SORCS2: variants seen among roughly 807,000 people sequenced by gnomAD.
SORCS2 encodes VPS10 domain-containing receptor SorCS2.
Under a neutral mutation model 141.6 loss-of-function variants are expected in SORCS2, and 100 were observed. The ratio of observed to expected loss-of-function variants is 0.71; its 90% CI spans 0.60 to 0.83. The LOEUF is 0.83. Ranked by LOEUF, SORCS2 falls within the 40% of genes least tolerant of loss-of-function variation. The pLI is 0.00. For synonymous variants in SORCS2, 789 were observed against 676.9 expected, an observed-to-expected ratio of 1.17 and a Z score of -2.57; for missense variants, 1,646 against 1,560.2, an observed-to-expected ratio of 1.05 and a Z score of -0.93.
rs548805104 is a variant in SORCS2 at position 7,304,562 on chromosome 4, A to G, written c.481-91726A>G. 3.3e-5 allele frequency among the ~76,000 whole-genome samples: 5 copies of G among 152,356 alleles called. No individual in the cohort carries two copies. In the South Asian group the frequency reaches 1.0e-3, roughly 32 times the overall value. On this transcript the variant is annotated intron_variant, in intron 1 of 26. Transcript: ENST00000507866. Reference sequence around the variant, plus strand: ...GATATCCTCTGGGCCTGTGAGAGCCAGGTAGCGTTCATGAGCCTCATCAGT... The same window carrying G: ...GATATCCTCTGGGCCTGTGAGAGCCGGGTAGCGTTCATGAGCCTCATCAGT...
intron 3 of SORCS2, among the ~76,000 whole-genome samples, chr4:7,534,336 C>CG (rs955357217): frequency 1.3e-5 from 2 of 152,272 alleles, no homozygotes; most frequent in African/African-American, 2.4e-5. Flanking sequence ...AGGTCCCCCC[C>CG]CATCAGGGAG....
At chr4:7,515,023 G>C (rs1473187370) in intron 2 of SORCS2, among the ~76,000 whole-genome samples, 6 of 152,318 alleles carry the variant, frequency 3.9e-5, no homozygotes, top group Middle Eastern at 3.4e-3. Context: ...CCAGACTTGT[G>C]GCGTTAGTTA....
At chr4:7,564,128 C>G (rs747839588) in intron 3 of SORCS2, among the ~76,000 whole-genome samples, 2 of 152,244 alleles carry the variant, frequency 1.3e-5, no homozygotes, top group Non-Finnish European at 2.9e-5. Context: ...CCCGGCTTCA[C>G]TGAGAGAGGT....
At chr4:7,733,298 TCA>T in intron 23 of SORCS2, 22 bp from the exon 24 acceptor site, 2 of 1,515,056 alleles carry the variant, frequency 1.3e-6, no homozygotes, top group Non-Finnish European at 1.8e-6. Flanking sequence ...GAGGCCTCAC[TCA>T]CTGTCCCCTC....
intron 1 of SORCS2, among the ~76,000 whole-genome samples, chr4:7,279,105 C>T (rs1360398133): frequency 6.6e-6 from 1 of 152,182 alleles, no homozygotes; most frequent in Non-Finnish European, 1.5e-5. Context: ...CAGCTGTGAT[C>T]CTAGCTGTCT....
chr4:7,457,306 C>T (rs1269412963), intron 2 of SORCS2, among the ~76,000 whole-genome samples: 1 of 152,242 alleles, frequency 6.6e-6, no homozygotes, highest in African/African-American at 2.4e-5. Flanking sequence ...AAAGGACATG[C>T]AGCCAGGCCT....
At chr4:7,464,493 C>T (rs1729493360) in intron 2 of SORCS2, among the ~76,000 whole-genome samples, 1 of 152,290 alleles carries the variant, frequency 6.6e-6, no homozygotes, top group East Asian at 1.9e-4. Context: ...GCCACACTAA[C>T]TAGCTTGGAC....
At chr4:7,615,243 A>G (rs1418594549) in intron 3 of SORCS2, among the ~76,000 whole-genome samples, 1 of 152,262 alleles carries the variant, frequency 6.6e-6, no homozygotes, top group African/African-American at 2.4e-5. Flanking sequence ...TTCTGGAGAT[A>G]TAACAGTGAG....
At chr4:7,675,142 T>G (rs1272235279) in intron 8 of SORCS2, among the ~76,000 whole-genome samples, 1 of 152,234 alleles carries the variant, frequency 6.6e-6, no homozygotes, top group African/African-American at 2.4e-5. Context: ...AACAAGAAAC[T>G]GAGGTATTCC....
In SORCS2 at chr4:7,741,355, C is replaced by T. The variant is rs1355563554; in HGVS notation, c.*1091C>T. On this transcript the variant is annotated 3_prime_UTR_variant, in exon 27 of 27. Transcript: ENST00000507866. The stretch of plus-strand genomic sequence containing the variant: ...CACGGTCACAGCAGAGGTGGCCGAA[C>T]CCAGCCCTCTGCGCGCCAGTGCTGT... 11 of 398,172 alleles carry T rather than the reference C, an allele frequency of 2.8e-5. No individual in the cohort carries two copies. The highest frequency in any genetic ancestry group is 4.9e-5 in the Non-Finnish European group (11 of 225,864). The allele number at this position is 398,172 out of a possible 1,614,324, so 24.7% of individuals were successfully genotyped here.
intron 8 of SORCS2, among the ~76,000 whole-genome samples, chr4:7,668,622 C>T (rs560106150): frequency 6.6e-6 from 1 of 152,280 alleles, no homozygotes; most frequent in Non-Finnish European, 1.5e-5. Flanking sequence ...CTTTTAAAAC[C>T]TTCGCTTTAA....
chr4:7,290,790 G>GCGTTCTTT (rs1553828727), intron 1 of SORCS2, among the ~76,000 whole-genome samples: 2 of 105,684 alleles, frequency 1.9e-5, no homozygotes, highest in Non-Finnish European at 4.6e-5. Flanking sequence ...TGCAGAGGCT[G>GCGTTCTTT]CATTCTTTCA....
At chr4:7,392,535 G>C (rs1723932250) in intron 1 of SORCS2, among the ~76,000 whole-genome samples, 1 of 152,192 alleles carries the variant, frequency 6.6e-6, no homozygotes, top group Non-Finnish European at 1.5e-5. Flanking sequence ...TTAGGGGTGG[G>C]TGAGTCCCCA....
intron 2 of SORCS2, among the ~76,000 whole-genome samples, chr4:7,474,897 A>C (rs1490883996): frequency 4.6e-5 from 7 of 151,796 alleles, no homozygotes; most frequent in African/African-American, 1.7e-4. Context: ...TGGCTGTCCC[A>C]CCTCCTGGTG....
At chr4:7,482,577 A>G (rs13142141) in intron 2 of SORCS2, among the ~76,000 whole-genome samples, 34 of 56,662 alleles carry the variant, frequency 6.0e-4, no homozygotes, top group Admixed American at 7.5e-4. Flanking sequence ...CTGTATCCCC[A>G]CTGCGGACAC....
chr4:7,562,902 T>G (rs965195429), intron 3 of SORCS2, among the ~76,000 whole-genome samples: 13 of 152,166 alleles, frequency 8.5e-5, no homozygotes, highest in African/African-American at 2.7e-4. Context: ...GGATTTAGGG[T>G]CTAGCCTATT....
chr4:7,547,418 G>A (rs971573200), intron 3 of SORCS2, among the ~76,000 whole-genome samples: 6 of 152,312 alleles, frequency 3.9e-5, no homozygotes, highest in Middle Eastern at 3.4e-3. Context: ...GCCTTCTGAT[G>A]TCGGTTACTG....
intron 4 of SORCS2, among the ~76,000 whole-genome samples, chr4:7,643,585 C>T (rs762763752): frequency 6.6e-6 from 1 of 152,050 alleles, no homozygotes; most frequent in Admixed American, 6.6e-5. Context: ...GAGGAATGTT[C>T]GAACAGGGGC....
At chr4:7,459,220 C>G (rs926714767) in intron 2 of SORCS2, among the ~76,000 whole-genome samples, 4 of 152,108 alleles carry the variant, frequency 2.6e-5, no homozygotes, top group African/African-American at 9.7e-5. Flanking sequence ...GCGAGTCTCT[C>G]CACCCTTCTC....
Sources: gnomAD v4.1 joint callset for allele counts (sites outside exome capture counted in the v4.1 genomes callset) on GRCh38, gnomAD v4.1.1 for gene constraint, MANE v1.5 for transcripts, NCBI Gene and HGNC (gene_info 2026-07-23, HGNC 2026-07-21) for gene names.